SANBR: variants seen among roughly 807,000 people sequenced by gnomAD.
SANBR encodes the protein SANT and BTB domain regulator of CSR, also known as SANT and BTB domain regulator of class switch recombination.
SANBR carries 77 observed loss-of-function variants against 101.8 expected under a neutral mutation model. The ratio of observed to expected loss-of-function variants is 0.76; its 90% CI spans 0.63 to 0.91. The LOEUF (loss-of-function observed/expected upper bound fraction) is 0.91, where lower values mean the gene tolerates loss of function less well. Among genes scored for constraint, SANBR ranks in the 40% least tolerant of loss-of-function variants. SANBR has a pLI of 0.00. For missense variants in SANBR, 875 were observed against 853.0 expected (o/e 1.03, Z -0.32); for synonymous variants, 279 against 274.7 (o/e 1.02, Z -0.15).
At chr2:61,117,006 A>G (rs1352131241) in intron 17 of SANBR, 1 of 276,766 alleles carries the variant, frequency 3.6e-6, no homozygotes, top group Non-Finnish European at 6.9e-6. Context: ...GCAGTGAGCT[A>G]TAATCATGCC....
intron 6 of SANBR, among the ~76,000 whole-genome samples, chr2:61,078,641 C>G (rs917522765): frequency 6.6e-6 from 1 of 151,492 alleles, no homozygotes; most frequent in Non-Finnish European, 1.5e-5. Context: ...AGGCTGGTCT[C>G]GAACTCCTGA....
intron 12 of SANBR, among the ~76,000 whole-genome samples, chr2:61,101,163 C>A (rs1012935478): frequency 1.3e-5 from 2 of 152,144 alleles, no homozygotes; most frequent in African/African-American, 2.4e-5. Context: ...ATTTTACATA[C>A]AAAGATACTT....
chr2:61,075,443 G>C (rs1159334642), intron 5 of SANBR, among the ~76,000 whole-genome samples: 4 of 152,060 alleles, frequency 2.6e-5, no homozygotes, highest in Non-Finnish European at 5.9e-5. Flanking sequence ...TTTTTCTGTA[G>C]AGATAGGGTT....
At chr2:61,080,083 G>C (rs1177297) in intron 6 of SANBR, among the ~76,000 whole-genome samples, 87,590 of 150,834 alleles carry the variant, frequency 0.58, 26,673 homozygotes, top group African/African-American at 0.76. Context: ...TGTAGTCCCA[G>C]CTACTCGGGA....
intron 16 of SANBR, among the ~76,000 whole-genome samples, chr2:61,112,481 G>C (rs1030941314): frequency 2.0e-5 from 3 of 151,392 alleles, no homozygotes; most frequent in Non-Finnish European, 2.9e-5. Context: ...TCTATGCCTT[G>C]CCTTTTAATT....
intron 10 of SANBR, 103 bp from the exon 11 acceptor site, chr2:61,092,361 G>T: frequency 1.2e-6 from 1 of 862,760 alleles, no homozygotes; most frequent in Non-Finnish European, 1.6e-6. Flanking sequence ...TCCAGCCTGG[G>T]CAACAAGAGT....
intron 7 of SANBR, 145 bp from the exon 8 acceptor site, chr2:61,083,009 T>G (rs1179086451): frequency 1.1e-5 from 7 of 629,098 alleles, no homozygotes; most frequent in Non-Finnish European, 1.7e-5. Context: ...CAGTACAGAT[T>G]AAGTCAAAAA....
At chr2:61,107,740 G>T (rs1212900876) in intron 14 of SANBR, among the ~76,000 whole-genome samples, 2 of 152,110 alleles carry the variant, frequency 1.3e-5, no homozygotes, top group African/African-American at 4.8e-5. Context: ...ACAAAATTTA[G>T]CTGGGCGCAG....
chr2:61,122,432 C>T lies in SANBR; in HGVS notation c.*270C>T, dbSNP rs1684370206. On this transcript the variant is annotated 3_prime_UTR_variant, in exon 22 of 22. Coordinates refer to ENST00000402291, the MANE Select transcript of SANBR (RefSeq NM_001129993.3). ...TTTACAAATTTGCATAGTTGAGACT[C>T]CCAGTGTTTTCCTTTATTTATTTGA... 4.3e-6 allele frequency: 5 copies of T among 1,159,990 alleles called. No homozygotes were observed. The highest frequency in any genetic ancestry group is 4.4e-5 in the Admixed American group (1 of 22,864). The allele number at this position is 1,159,990 out of a possible 1,614,324, so 71.9% of individuals were successfully genotyped here.
At chr2:61,116,774 T>G (rs1028332719) in intron 17 of SANBR, among the ~76,000 whole-genome samples, 4 of 152,086 alleles carry the variant, frequency 2.6e-5, no homozygotes, top group African/African-American at 9.7e-5. Context: ...ATCAGCTGGC[T>G]GGGCATGATC....
downstream of SANBR, among the ~76,000 whole-genome samples, chr2:61,127,174 C>G (rs1472811741): frequency 2.0e-5 from 3 of 152,142 alleles, no homozygotes; most frequent in African/African-American, 7.2e-5. Flanking sequence ...ACTGCTGTGT[C>G]CCCAGTGCCT....
At chr2:61,071,505 A>C in intron 3 of SANBR, 101 bp from the exon 4 acceptor site, 1 of 632,684 alleles carries the variant, frequency 1.6e-6, no homozygotes, top group East Asian at 3.4e-5. Flanking sequence ...AGCCAAGATC[A>C]CACCACTGCA....
chr2:61,095,962 C>A (rs936781830), intron 11 of SANBR, among the ~76,000 whole-genome samples: 1 of 152,268 alleles, frequency 6.6e-6, no homozygotes, highest in South Asian at 2.1e-4. Context: ...CCTTAATCAT[C>A]CAGTGGTACT....
chr2:61,131,615 A>G (rs1159210593), intron 20 of SANBR, among the ~76,000 whole-genome samples: 1 of 152,236 alleles, frequency 6.6e-6, no homozygotes, highest in East Asian at 1.9e-4. Flanking sequence ...TCCTCAACTT[A>G]ATCTACAGAT....
At chr2:61,099,991 G>A (rs1488384933) in intron 12 of SANBR, among the ~76,000 whole-genome samples, 1 of 152,200 alleles carries the variant, frequency 6.6e-6, no homozygotes, top group Admixed American at 6.5e-5. Context: ...GTTGAGAAGT[G>A]AGTGAGAGAT....
intron 20 of SANBR, among the ~76,000 whole-genome samples, chr2:61,120,308 T>A (rs1386364519): frequency 6.6e-6 from 1 of 151,526 alleles, no homozygotes; most frequent in African/African-American, 2.4e-5. Flanking sequence ...CAAGACCATC[T>A]GGCCAACATG....
At chr2:61,135,215 A>G (rs1446064128) in intron 21 of SANBR, among the ~76,000 whole-genome samples, 5 of 152,242 alleles carry the variant, frequency 3.3e-5, no homozygotes, top group Admixed American at 3.3e-4. Flanking sequence ...ATATTTGCCC[A>G]AATTTAAAAA....
chr2:61,119,750 G>A (rs917612149), intron 20 of SANBR, among the ~76,000 whole-genome samples: 1 of 152,106 alleles, frequency 6.6e-6, no homozygotes, highest in African/African-American at 2.4e-5. Flanking sequence ...TTGAACCCAC[G>A]AGTTTGAGAC....
intron 16 of SANBR, among the ~76,000 whole-genome samples, chr2:61,113,797 AACAG>A (rs1362302913): frequency 2.6e-5 from 4 of 152,182 alleles, no homozygotes; most frequent in African/African-American, 9.7e-5. Context: ...AAGTGGTGAA[AACAG>A]ACAGACATCC....
Sources: allele counts gnomAD v4.1 joint callset (sites outside exome capture counted in the v4.1 genomes callset), GRCh38; gene constraint gnomAD v4.1.1; transcripts MANE v1.5; gene names NCBI Gene and HGNC (gene_info 2026-07-23, HGNC 2026-07-21).